AURKA: variants seen among roughly 807,000 people sequenced by gnomAD.
AURKA encodes aurora 2.
AURKA carries 12 observed loss-of-function variants against 40.9 expected under a neutral mutation model. The observed-to-expected ratio is 0.29, with a 90% CI of 0.19 to 0.48. AURKA has a LOEUF of 0.48. Ranked by LOEUF, AURKA falls within the 20% of genes least tolerant of loss-of-function variation. The pLI is 0.99. For missense variants in AURKA, 322 were observed against 462.1 expected (o/e 0.70, Z 2.78); for synonymous variants, 170 against 164.3 (o/e 1.03, Z -0.26).
intron 7 of AURKA, among the ~76,000 whole-genome samples, 153 bp from the exon 8 acceptor site, chr20:56,370,812 A>T (rs1984059995): frequency 6.6e-6 from 1 of 152,194 alleles, no homozygotes; most frequent in Admixed American, 6.5e-5. Context: ...TTCCCATAGG[A>T]AACAGATGAA....
intron 1 of AURKA, among the ~76,000 whole-genome samples, chr20:56,389,304 C>T (rs1986759260): frequency 6.6e-6 from 1 of 152,132 alleles, no homozygotes; most frequent in South Asian, 2.1e-4. Flanking sequence ...ACTCAAAGTG[C>T]GTCTTCTGCC....
intron 7 of AURKA, 103 bp from the exon 8 acceptor site, chr20:56,370,762 G>C: frequency 7.8e-7 from 1 of 1,287,718 alleles, no homozygotes; most frequent in Non-Finnish European, 1.1e-6. Flanking sequence ...TCTTCCCCTG[G>C]GCCAGATCCT....
intron 6 of AURKA, 61 bp downstream of exon 6, chr20:56,381,372 T>C (rs1481128723): frequency 6.3e-6 from 10 of 1,595,852 alleles, no homozygotes; most frequent in African/African-American, 2.7e-5. Context: ...GAAAGGTACA[T>C]TGCTATGGAG....
intron 3 of AURKA, 39 bp from the exon 4 acceptor site, chr20:56,384,363 T>TTTTAGA: frequency 2.1e-6 from 3 of 1,456,100 alleles, no homozygotes; most frequent in Non-Finnish European, 2.9e-6. Flanking sequence ...TTAGAATAAC[T>TTTTAGA]ATATAGGATA....
Position 56,370,637 on chromosome 20 carries a change from G to A in AURKA, c.877C>T (p.Leu293=). The A allele has an allele frequency of 6.2e-7, 1 of 1,614,236 alleles. No homozygotes were observed. The highest frequency in any genetic ancestry group is 8.5e-7 in the Non-Finnish European group (1 of 1,180,048). ...SSRRTTLCGT[L]DYLPPEMIEG... is the part of the protein sequence containing the mutation. Reference sequence around the variant, plus strand: ...ATCATTTCAGGGGGCAGGTAGTCCAGGGTGCCACAGAGAGTGGTCCTCCTG... The same window carrying A: ...ATCATTTCAGGGGGCAGGTAGTCCAAGGTGCCACAGAGAGTGGTCCTCCTG... The change falls in exon 8 of 9, where the codon CTG becomes TTG. Residue 293 remains leucine (L), a synonymous_variant. Coordinates refer to ENST00000395915, the MANE Select transcript of AURKA (RefSeq NM_198437.3).
chr20:56,373,533 G>C lies in AURKA; in HGVS notation c.729C>G (p.Ala243=). The change falls in exon 7 of 9, where the codon GCC becomes GCG. Residue 243 remains alanine (A), a synonymous_variant. Transcript: ENST00000395915. This position sits in a 1 kb window ranked among gnomAD's most constrained non-coding sequence, Gnocchi z 5.0. ...CTCTCTTCGAATGACAGTAAGACAG[G>C]GCATTTGCCAATTCTGTTATATACT... is the stretch of plus-strand genomic sequence containing the variant. ...TATYITELAN[A]LSYCHSKRVI... is the part of the protein sequence containing the mutation. 6.2e-7 allele frequency: 1 copy of C among 1,614,160 alleles called. No homozygotes were observed. The highest frequency in any genetic ancestry group is 8.5e-7 in the Non-Finnish European group (1 of 1,180,016).
At chr20:56,378,002 C>CA (rs1569059855) in intron 6 of AURKA, among the ~76,000 whole-genome samples, 1 of 151,856 alleles carries the variant, frequency 6.6e-6, no homozygotes, top group Non-Finnish European at 1.5e-5. Flanking sequence ...CTTGTCTCTA[C>CA]AAAAAAATAC....
intron 5 of AURKA, 67 bp downstream of exon 5, chr20:56,382,918 A>G: frequency 6.4e-7 from 1 of 1,570,586 alleles, no homozygotes. Flanking sequence ...TGGGAGGCTG[A>G]CATTACAGGA....
chr20:56,382,035 A>C (rs989770440), intron 5 of AURKA, among the ~76,000 whole-genome samples: 3 of 152,018 alleles, frequency 2.0e-5, no homozygotes, highest in African/African-American at 7.3e-5. Flanking sequence ...TTGTTGGTGC[A>C]TGCCTGCAAT....
At chr20:56,390,384 C>A (rs992714076) in intron 1 of AURKA, among the ~76,000 whole-genome samples, 2 of 151,714 alleles carry the variant, frequency 1.3e-5, no homozygotes, top group Non-Finnish European at 2.9e-5. Flanking sequence ...TCGGCTCACC[C>A]GCAACCTCCA....
intron 2 of AURKA, among the ~76,000 whole-genome samples, chr20:56,387,716 T>A (rs2064863): frequency 2.0e-5 from 3 of 152,020 alleles, no homozygotes; most frequent in Non-Finnish European, 2.9e-5. Context: ...ATTAGCACAC[T>A]GTCCACAACG....
intron 4 of AURKA, 69 bp downstream of exon 4, chr20:56,384,201 A>C: frequency 1.5e-6 from 2 of 1,340,114 alleles, no homozygotes; most frequent in Non-Finnish European, 2.1e-6. Context: ...GAGTTCCCAC[A>C]ACGAAATTTG....
chr20:56,384,496 C>T (rs1248628300), intron 3 of AURKA, among the ~76,000 whole-genome samples, 172 bp from the exon 4 acceptor site: 1 of 151,722 alleles, frequency 6.6e-6, no homozygotes, highest in African/African-American at 2.4e-5. Flanking sequence ...GACTACTACA[C>T]CCTGACTTCC....
At chr20:56,391,372 G>A (rs546357724) in intron 1 of AURKA, among the ~76,000 whole-genome samples, 23 of 152,362 alleles carry the variant, frequency 1.5e-4, no homozygotes, top group Non-Finnish European at 2.9e-4. Context: ...TGGAGACTCT[G>A]AGGCCTAACC....
intron 6 of AURKA, among the ~76,000 whole-genome samples, chr20:56,376,474 A>G (rs1372145213): frequency 1.3e-5 from 2 of 152,216 alleles, no homozygotes; most frequent in Non-Finnish European, 2.9e-5. Flanking sequence ...AAGACCAAAG[A>G]GCCATTTGTC....
chr20:56,376,260 T>A (rs1419522291), intron 6 of AURKA, among the ~76,000 whole-genome samples: 1 of 152,208 alleles, frequency 6.6e-6, no homozygotes, highest in Non-Finnish European at 1.5e-5. Flanking sequence ...TCACTACCAT[T>A]AATGAGCATA....
intron 6 of AURKA, among the ~76,000 whole-genome samples, chr20:56,377,044 G>A (rs1246911620): frequency 6.6e-6 from 1 of 151,932 alleles, no homozygotes; most frequent in Non-Finnish European, 1.5e-5. Flanking sequence ...CCAAGATCAC[G>A]TCACTGCCCT....
intron 1 of AURKA, chr20:56,388,767 A>ATGC: frequency 6.3e-6 from 1 of 158,164 alleles, no homozygotes; most frequent in Non-Finnish European, 1.4e-5. Flanking sequence ...AGCTGAGATC[A>ATGC]CACCATTGCA....
In AURKA at chr20:56,373,352, G is replaced by A. The variant is rs373990625; in HGVS notation, c.854+56C>T. 122 of 1,611,062 alleles carry A rather than the reference G, an allele frequency of 7.6e-5. No individual in the cohort carries two copies. The East Asian group carries it at 1.6e-3, about 21-fold the overall frequency. On this transcript the variant is annotated intron_variant, in intron 7 of 8. Coordinates refer to ENST00000395915, the MANE Select transcript of AURKA (RefSeq NM_198437.3). This position sits in a 1 kb window ranked among gnomAD's most constrained non-coding sequence, Gnocchi z 5.0. ...CTGAAATATTTTACATTTAGCTCAC[G>A]GTTAGCTCCCAGGGCTTTGGTAAAC... is the stretch of plus-strand genomic sequence containing the variant.
Sources: allele counts gnomAD v4.1 joint callset (sites outside exome capture counted in the v4.1 genomes callset), GRCh38; gene constraint gnomAD v4.1.1; non-coding constraint Gnocchi (gnomAD v3.1); transcripts MANE v1.5; gene names NCBI Gene and HGNC (gene_info 2026-07-23, HGNC 2026-07-21).